Variants in SMC1A observed in about 807,000 individuals in gnomAD.
SMC1A encodes structural maintenance of chromosomes protein 1A.
In SMC1A, 4 loss-of-function variants were observed where a neutral mutation model predicts 94.5. That is an observed-to-expected ratio of 0.04 (90% CI 0.02 to 0.10). The LOEUF is 0.10. Ranked by LOEUF, SMC1A falls within the 10% of genes least tolerant of loss-of-function variation. The pLI, the probability that SMC1A is intolerant of heterozygous loss-of-function variation, is 1.00. For synonymous variants in SMC1A, 345 were observed against 347.7 expected, an observed-to-expected ratio of 0.99 and a Z score of 0.09; for missense variants, 304 against 989.0, an observed-to-expected ratio of 0.31 and a Z score of 9.29.
chrX:53,414,921 A>G (rs1336035161), intron 2 of SMC1A, 51 bp from the exon 3 acceptor site: 4 of 1,196,951 alleles, frequency 3.3e-6, no homozygotes, highest in Non-Finnish European at 4.5e-6. Flanking sequence ...TCCTGTCCCA[A>G]TCAACTAGTC....
intron 3 of SMC1A, among the ~76,000 whole-genome samples, chrX:53,414,282 T>C (rs868924501): frequency 9.0e-6 from 1 of 110,926 alleles, no homozygotes. Flanking sequence ...ATGATGGTGT[T>C]TCCTAAATGA....
At chrX:53,406,842 T>A (rs1556889804) in intron 9 of SMC1A, among the ~76,000 whole-genome samples, 1 of 111,262 alleles carries the variant, frequency 9.0e-6, no homozygotes, top group East Asian at 2.8e-4. Flanking sequence ...GGATTACAGG[T>A]GCCCGCCACC....
chrX:53,414,075 CAAAAA>C (rs782233737), intron 3 of SMC1A, among the ~76,000 whole-genome samples: 1 of 47,916 alleles, frequency 2.1e-5, no homozygotes, highest in African/African-American at 7.8e-5. Flanking sequence ...AACTCCGTCT[CAAAAA>C]AAAAAAAAAA....
chrX:53,400,960 C>T (rs1399606451), intron 15 of SMC1A, among the ~76,000 whole-genome samples: 1 of 111,707 alleles, frequency 9.0e-6, no homozygotes. Flanking sequence ...TCCACCACTC[C>T]CCACCTTCTT....
intron 16 of SMC1A, 131 bp downstream of exon 16, chrX:53,399,458 G>A: frequency 1.6e-6 from 1 of 614,744 alleles, no homozygotes; most frequent in Non-Finnish European, 2.6e-6. Context: ...TTCCCGTTTA[G>A]GTCTTGGTAT....
intron 15 of SMC1A, among the ~76,000 whole-genome samples, chrX:53,400,618 T>C (rs1459531912): frequency 9.0e-6 from 1 of 111,638 alleles, no homozygotes; most frequent in Non-Finnish European, 1.9e-5. Flanking sequence ...CCAGAACCTC[T>C]TAAAGGGCAG....
At chrX:53,415,843 GAA>G (rs201092400) in intron 1 of SMC1A, among the ~76,000 whole-genome samples, 1 of 50,894 alleles carries the variant, frequency 2.0e-5, no homozygotes, top group Admixed American at 2.1e-4. Flanking sequence ...AAAAAATAGT[GAA>G]AAAAAAAAAA....
chrX:53,394,697 C>A, intron 19 of SMC1A, 81 bp downstream of exon 19: 2 of 634,009 alleles, frequency 3.2e-6, no homozygotes, highest in African/African-American at 2.2e-5. Context: ...GATGGGCTGA[C>A]CTCCTCTCTG....
chrX:53,411,478 T>C (rs782109260), intron 7 of SMC1A, among the ~76,000 whole-genome samples: 2 of 110,368 alleles, frequency 1.8e-5, no homozygotes, highest in African/African-American at 3.3e-5. Flanking sequence ...TAGTCCCAGC[T>C]ACTCAGGAGG....
intron 19 of SMC1A, among the ~76,000 whole-genome samples, chrX:53,392,166 A>G (rs1556887347): frequency 9.0e-6 from 1 of 110,943 alleles, no homozygotes; most frequent in Non-Finnish European, 1.9e-5. Flanking sequence ...TGAGGTGGGC[A>G]GATCATGAGG....
At position 53,409,176 on chromosome X, in the gene SMC1A, C is replaced by G. The variant is rs1392864809; in HGVS notation, c.1431G>C (p.Leu477=). Residue 477 remains leucine (L), a synonymous_variant, in exon 9 of 25, where the codon CTG becomes CTC. Transcript: ENST00000322213. ...KRRIDEINKE[L]NQVMEQLGDA... is the part of the protein sequence containing the mutation. ...CCCCTAGCTGCTCCATCACCTGGTT[C>G]AGCTCCTTATTGATTTCATCAATAC... The G allele has an allele frequency of 2.6e-5, 32 of 1,209,990 alleles. No individual in the cohort carries two copies. The highest frequency in any genetic ancestry group is 3.5e-5 in the Non-Finnish European group (31 of 895,207).
intron 20 of SMC1A, 85 bp downstream of exon 20, chrX:53,383,012 G>C (rs1222377236): frequency 3.3e-6 from 3 of 914,111 alleles, no homozygotes; most frequent in African/African-American, 3.9e-5. Flanking sequence ...GTCAGAACAG[G>C]AACTGCTGTG....
rs1444331920 is a variant in SMC1A, at chrX:53,379,173, T to C, written c.*930A>G. Reference sequence around the variant, plus strand: ...TTAAATCCTATGAGGTAGGTAATATTGTTAGCCCCATTTTACAGATGAGGA... The same window carrying C: ...TTAAATCCTATGAGGTAGGTAATATCGTTAGCCCCATTTTACAGATGAGGA... On this transcript the variant is annotated 3_prime_UTR_variant, in exon 25 of 25. Coordinates refer to ENST00000322213, the MANE Select transcript of SMC1A (RefSeq NM_006306.4). The C allele has an allele frequency of 8.9e-6, 1 of 111,908 alleles. No homozygotes were observed. Among genetic ancestry groups the C allele is most frequent in the Non-Finnish European group, 1.9e-5 (1 of 53,284 alleles). The allele number at this position is 111,908 out of a possible 1,213,427, so 9.2% of individuals were successfully genotyped here.
rs1410163866 is a variant in SMC1A at position 53,378,287 on chromosome X, T to C, written c.*1816A>G. 1 of 112,421 alleles carries C rather than the reference T, an allele frequency of 8.9e-6. No homozygotes were observed. Among genetic ancestry groups the C allele is most frequent in the Non-Finnish European group, 1.9e-5 (1 of 53,320 alleles). The allele number at this position is 112,421 out of a possible 1,213,427, so 9.3% of individuals were successfully genotyped here. ...GATGCTCCTGTGTAGTATTTTGTAA[T>C]AGCAAAACCTAAAAACAGTCTTAAT... On this transcript the variant is annotated 3_prime_UTR_variant, in exon 25 of 25. Transcript: ENST00000322213.
rs2075572690 is a variant in SMC1A, at chrX:53,379,292, G to A, written c.*811C>T. 1 of 111,793 alleles carries A rather than the reference G, an allele frequency of 8.9e-6. No individual in the cohort carries two copies. The highest frequency in any genetic ancestry group is 3.8e-4 in the South Asian group (1 of 2,657). The allele number at this position is 111,793 out of a possible 1,213,427, so 9.2% of individuals were successfully genotyped here. ...CAGAACCCATAACTGTCTGTCCCCA[G>A]AGCTCATGCTCCACTCCTAGTGCCT... On this transcript the variant is annotated 3_prime_UTR_variant, in exon 25 of 25. Transcript: ENST00000322213.
At position 53,408,499 on chromosome X, in the gene SMC1A, A is replaced by G. The variant is rs185815269; in HGVS notation, c.1545+563T>C. On this transcript the variant is annotated intron_variant, in intron 9 of 24. Coordinates refer to ENST00000322213, the MANE Select transcript of SMC1A (RefSeq NM_006306.4). ...GAAGTGATAGGGAAATATTAGTGGA[A>G]CCAAACTAAGTTGAACCCAGGTATG... 1.7e-4 allele frequency among the ~76,000 whole-genome samples: 19 copies of G among 111,885 alleles called. No homozygotes were observed. In the East Asian group the frequency reaches 5.0e-3, roughly 30 times the overall value.
rs1556892349 is a variant in SMC1A, at chrX:53,422,493, A to T, written c.108T>A (p.Ser36=). The part of the protein sequence containing the change: ...RFTAIIGPNG[S]GKSNLMDAIS... ...GGGCCGCGGCCAGGTTTATCTCACC[A>T]GAGCCATTGGGTCCAATGATGGCGG... Residue 36 remains serine (S), a splice_region_variant and synonymous_variant, in exon 1 of 25, where the codon TCT becomes TCA. Coordinates refer to ENST00000322213, the MANE Select transcript of SMC1A (RefSeq NM_006306.4). The T allele has an allele frequency of 1.7e-6, 2 of 1,167,386 alleles. No individual in the cohort carries two copies. The highest frequency in any genetic ancestry group is 5.9e-5 in the East Asian group (2 of 33,636).
At chrX:53,391,212 C>T (rs781968451) in intron 19 of SMC1A, among the ~76,000 whole-genome samples, 4 of 108,572 alleles carry the variant, frequency 3.7e-5, no homozygotes, top group Middle Eastern at 4.8e-3. Context: ...CTACTCAGGA[C>T]GCTGAGATAG....
In SMC1A at chrX:53,406,113, A is replaced by G. The variant is rs187020850; in HGVS notation, c.1546-157T>C. Reference sequence around the variant, plus strand: ...TGGTTAAGATAACCCAATACCAAGCATGGTAGTGTGTGTTTGTAATCCTAG... The same window carrying G: ...TGGTTAAGATAACCCAATACCAAGCGTGGTAGTGTGTGTTTGTAATCCTAG... On this transcript the variant is annotated intron_variant, in intron 9 of 24. Coordinates refer to ENST00000322213, the MANE Select transcript of SMC1A (RefSeq NM_006306.4). Among the ~76,000 whole-genome samples the G allele has an allele frequency of 8.9e-5, 10 of 111,761 alleles. No individual in the cohort carries two copies. In the Admixed American group the frequency reaches 9.6e-4, roughly 11 times the overall value.
Sources: gnomAD v4.1 joint callset for allele counts (sites outside exome capture counted in the v4.1 genomes callset) on GRCh38, gnomAD v4.1.1 for gene constraint, MANE v1.5 for transcripts, NCBI Gene and HGNC (gene_info 2026-07-23, HGNC 2026-07-21) for gene names.